Variants in ATP13A5 observed in about 807,000 individuals in gnomAD.
The protein encoded by ATP13A5 is ATPase 13A5.
ATP13A5 carries 149 observed loss-of-function variants against 150.2 expected under a neutral mutation model. The ratio of observed to expected loss-of-function variants is 0.99; its 90% CI spans 0.87 to 1.14. ATP13A5 has a LOEUF of 1.14. ATP13A5 is among the 50% of genes most tolerant of loss of function. ATP13A5 has a pLI of 0.00. For synonymous variants in ATP13A5, 497 were observed against 522.2 expected, an observed-to-expected ratio of 0.95 and a Z score of 0.66; for missense variants, 1,383 against 1,449.3, an observed-to-expected ratio of 0.95 and a Z score of 0.74.
chr3:193,333,166 CACACAA>C lies in ATP13A5; in HGVS notation c.1272+578_1272+583del, dbSNP rs996538863. Among the ~76,000 whole-genome samples, 69 of 150,110 alleles carry C rather than the reference CACACAA, an allele frequency of 4.6e-4. No individual in the cohort carries two copies. The East Asian group carries it at 6.6e-3, about 14-fold the overall frequency. On this transcript the variant is annotated intron_variant, in intron 11 of 29. Coordinates refer to ENST00000342358, the MANE Select transcript of ATP13A5 (RefSeq NM_198505.4). The stretch of plus-strand genomic sequence containing the variant: ...ACACACACACACACACAAACACACA[CACACAA>C]ACACACACACACACACACACACGCT...
chr3:193,364,012 T>C, intron 2 of ATP13A5, 95 bp downstream of exon 2: 1 of 1,326,648 alleles, frequency 7.5e-7, no homozygotes, highest in Non-Finnish European at 1.0e-6. Flanking sequence ...GAAATCTACC[T>C]TCTGAAATAT....
At chr3:193,362,791 T>C (rs113015221) in intron 3 of ATP13A5, among the ~76,000 whole-genome samples, 154 bp from the exon 4 acceptor site, 5,093 of 69,906 alleles carry the variant, frequency 0.073, 81 homozygotes, top group East Asian at 0.11. Flanking sequence ...CTTTCTTTCT[T>C]TCTTTCTTTC....
chr3:193,284,326 T>C (rs1646692372), intron 27 of ATP13A5, among the ~76,000 whole-genome samples: 1 of 152,082 alleles, frequency 6.6e-6, no homozygotes, highest in Non-Finnish European at 1.5e-5. Flanking sequence ...CTCCCAGCCT[T>C]AGCTGGGAGG....
intron 1 of ATP13A5, among the ~76,000 whole-genome samples, chr3:193,376,898 C>T (rs987535328): frequency 5.9e-5 from 9 of 152,270 alleles, no homozygotes; most frequent in African/African-American, 9.6e-5. Flanking sequence ...CTGTGCTCTA[C>T]GCCCCAGAAT....
chr3:193,298,987 C>A, intron 25 of ATP13A5, 144 bp downstream of exon 25: 2 of 620,484 alleles, frequency 3.2e-6, no homozygotes, highest in Non-Finnish European at 5.5e-6. Context: ...TCAACTTACT[C>A]CCAATATCAC....
chr3:193,282,624 G>T (rs1012613592), intron 27 of ATP13A5, among the ~76,000 whole-genome samples: 3 of 152,158 alleles, frequency 2.0e-5, no homozygotes, highest in African/African-American at 7.2e-5. Context: ...TGATCTGCCC[G>T]CCTTGGCCTC....
chr3:193,312,112 A>G (rs117701184), intron 19 of ATP13A5, among the ~76,000 whole-genome samples, 171 bp from the exon 20 acceptor site: 8 of 152,200 alleles, frequency 5.3e-5, no homozygotes, highest in Non-Finnish European at 1.2e-4. Context: ...CACTCAAAAC[A>G]TTCCCCCCAA....
At chr3:193,308,187 C>T (rs111335864) in intron 21 of ATP13A5, among the ~76,000 whole-genome samples, 17 of 152,288 alleles carry the variant, frequency 1.1e-4, no homozygotes, top group African/African-American at 3.8e-4. Context: ...TGGCCAGGCA[C>T]GGTGGCTCAC....
intron 19 of ATP13A5, chr3:193,313,815 T>C: frequency 6.2e-6 from 3 of 482,782 alleles, no homozygotes; most frequent in Non-Finnish European, 3.6e-6. Context: ...GGGGTTCTGA[T>C]TTAATTGGTG....
At chr3:193,376,012 A>C (rs898306708) in intron 1 of ATP13A5, among the ~76,000 whole-genome samples, 1 of 152,198 alleles carries the variant, frequency 6.6e-6, no homozygotes, top group Non-Finnish European at 1.5e-5. Context: ...GCCACAGGGA[A>C]TCTTCGGGGA....
At chr3:193,360,762 C>T (rs565773662) in intron 5 of ATP13A5, among the ~76,000 whole-genome samples, 68 of 152,194 alleles carry the variant, frequency 4.5e-4, no homozygotes, top group Non-Finnish European at 4.9e-4. Context: ...CTGCAACCTC[C>T]GCCTCCCGGG....
At chr3:193,352,547 C>T (rs1248798991) in intron 6 of ATP13A5, among the ~76,000 whole-genome samples, 1 of 151,736 alleles carries the variant, frequency 6.6e-6, no homozygotes, top group Non-Finnish European at 1.5e-5. Context: ...AAAATACTAG[C>T]ACTCCTTTCA....
intron 11 of ATP13A5, among the ~76,000 whole-genome samples, chr3:193,332,034 G>A (rs1403190802): frequency 6.6e-6 from 1 of 152,162 alleles, no homozygotes; most frequent in African/African-American, 2.4e-5. Context: ...AGGTGATACG[G>A]TTTGGCTGTG....
At chr3:193,341,716 C>T (rs1274262439) in intron 9 of ATP13A5, among the ~76,000 whole-genome samples, 1 of 152,096 alleles carries the variant, frequency 6.6e-6, no homozygotes, top group Non-Finnish European at 1.5e-5. Context: ...AACTGTCTGA[C>T]TCATATTAGA....
intron 1 of ATP13A5, among the ~76,000 whole-genome samples, chr3:193,373,859 C>G (rs568762970): frequency 6.6e-6 from 1 of 152,296 alleles, no homozygotes; most frequent in Admixed American, 6.5e-5. Context: ...TACTTCGAAG[C>G]AAAATGCACC....
At chr3:193,374,917 G>T (rs1446926019) in intron 1 of ATP13A5, among the ~76,000 whole-genome samples, 1 of 152,012 alleles carries the variant, frequency 6.6e-6, no homozygotes, top group African/African-American at 2.4e-5. Flanking sequence ...CTGCTCTCTC[G>T]TGCTCTCTTG....
At chr3:193,342,499 T>C (rs565330250) in intron 9 of ATP13A5, among the ~76,000 whole-genome samples, 37 of 152,248 alleles carry the variant, frequency 2.4e-4, no homozygotes, top group Non-Finnish European at 3.4e-4. Context: ...AACTGGCCTC[T>C]ATCGGTACTT....
rs1361076371 is a variant in ATP13A5 at position 193,376,823 on chromosome 3, A to AC, written c.63+1839dup. On this transcript the variant is annotated intron_variant, in intron 1 of 29. Transcript: ENST00000342358. Reference sequence around the variant, plus strand: ...AAGTCACAGCTTCCACAGTTCGGTCACCCCAGCTCCCTCAGGCCTAGCGGA... The same window carrying AC: ...AAGTCACAGCTTCCACAGTTCGGTCACCCCCAGCTCCCTCAGGCCTAGCGGA... Among the ~76,000 whole-genome samples, 2 of 152,074 alleles carry AC rather than the reference A, an allele frequency of 1.3e-5. 1 individual carries two copies. The highest frequency in any genetic ancestry group is 1.3e-4 in the Admixed American group (2 of 15,260).
At chr3:193,288,062 T>C (rs1717790915) in intron 26 of ATP13A5, among the ~76,000 whole-genome samples, 1 of 152,178 alleles carries the variant, frequency 6.6e-6, no homozygotes, top group African/African-American at 2.4e-5. Flanking sequence ...TGTGACTGAA[T>C]TGCTGCAATC....
Sources: gnomAD v4.1 joint callset for allele counts (sites outside exome capture counted in the v4.1 genomes callset) on GRCh38, gnomAD v4.1.1 for gene constraint, MANE v1.5 for transcripts, NCBI Gene and HGNC (gene_info 2026-07-23, HGNC 2026-07-21) for gene names.